TRIM5: variants seen among roughly 807,000 people sequenced by gnomAD.
TRIM5 encodes tripartite motif containing 5.
A neutral mutation model predicts 35.6 loss-of-function variants in TRIM5; 31 were observed. The ratio of observed to expected loss-of-function variants is 0.87; its 90% CI spans 0.65 to 1.18. TRIM5 has a LOEUF of 1.18. Ranked by LOEUF, TRIM5 falls within the 50% of genes most tolerant of loss-of-function variation. The pLI is 0.00. For synonymous variants in TRIM5, 243 were observed against 215.6 expected, an observed-to-expected ratio of 1.13 and a Z score of -1.11; for missense variants, 609 against 591.6, an observed-to-expected ratio of 1.03 and a Z score of -0.31.
At position 5,664,896 on chromosome 11, in the gene TRIM5, A is replaced by T. The variant is rs369378333; in HGVS notation, c.1395T>A (p.Ser465=). 2 of 1,613,990 alleles carry T rather than the reference A, an allele frequency of 1.2e-6. No homozygotes were observed. The highest frequency in any genetic ancestry group is 2.7e-5 in the African/African-American group (2 of 74,920). The part of the protein sequence containing the change: ...TNHGFLIYKF[S]HCSFSQPVFP... Reference sequence around the variant, plus strand: ...ATACAGGCTGAGAAAAAGAACAGTGAGAAAACTTATAGATGAGAAATCCAT... The same window carrying T: ...ATACAGGCTGAGAAAAAGAACAGTGTGAAAACTTATAGATGAGAAATCCAT... The change falls in exon 8 of 8, where the codon TCT becomes TCA. Residue 465 remains serine, a synonymous_variant. Coordinates refer to ENST00000380034, the MANE Select transcript of TRIM5 (RefSeq NM_033034.3).
chr11:5,611,411 G>T, the TRIM5 span: 46 of 1,254,208 alleles, frequency 3.7e-5, no homozygotes, highest in Non-Finnish European at 3.4e-5. Context: ...TCTCCCTTCT[G>T]ATCTTCTGTT....
the TRIM5 span, among the ~76,000 whole-genome samples, chr11:5,657,073 A>G: frequency 1.3e-5 from 2 of 152,222 alleles, no homozygotes; most frequent in Non-Finnish European, 2.9e-5. Context: ...AATGCCTATC[A>G]ATGATAGACT....
the TRIM5 span, among the ~76,000 whole-genome samples, chr11:5,636,747 C>T: frequency 6.6e-6 from 1 of 152,204 alleles, no homozygotes; most frequent in Non-Finnish European, 1.5e-5. Flanking sequence ...GTGGGATTAA[C>T]ATTTCACTTC....
chr11:5,674,366 T>C (rs1851781894), intron 4 of TRIM5, among the ~76,000 whole-genome samples: 1 of 152,084 alleles, frequency 6.6e-6, no homozygotes, highest in Non-Finnish European at 1.5e-5. Flanking sequence ...AGCATCTGGG[T>C]ATAACACAGA....
At chr11:5,603,731 A>G in the TRIM5 span, 26 of 1,613,130 alleles carry the variant, frequency 1.6e-5, no homozygotes, top group Non-Finnish European at 2.2e-5. Flanking sequence ...GCCCAGGAGT[A>G]CCAGGTGAGA....
chr11:5,627,240 C>T, the TRIM5 span, among the ~76,000 whole-genome samples: 3 of 151,008 alleles, frequency 2.0e-5, no homozygotes, highest in South Asian at 2.1e-4. Context: ...ATTAGCTGGG[C>T]GTTGTGGCAG....
chr11:5,665,678 C>A lies in TRIM5; in HGVS notation c.873G>T (p.Leu291=). The A allele has an allele frequency of 6.6e-7, 1 of 1,521,168 alleles. No individual in the cohort carries two copies. Among genetic ancestry groups the A allele is most frequent in the Non-Finnish European group, 8.7e-7 (1 of 1,143,668 alleles). 94.2% of individuals were successfully genotyped at this position (1,521,168 alleles called of 1,614,324 possible). ...TACCCCAGTAGCGTCGGACATCTGT[C>A]AGCTCTGAAATGATAAAAATGCACA... ...LKGMLEVFRE[L]TDVRRYWVDV... Residue 291 remains leucine, a synonymous_variant, in exon 7 of 8, where the codon CTG becomes CTT. Transcript: ENST00000380034.
the TRIM5 span, chr11:5,632,321 G>C: frequency 6.2e-7 from 1 of 1,614,118 alleles, no homozygotes; most frequent in Non-Finnish European, 8.5e-7. Flanking sequence ...AGAAGCCAGG[G>C]AAGCAGTGCA....
the TRIM5 span, chr11:5,644,176 C>CAG: frequency 2.5e-6 from 1 of 399,496 alleles, no homozygotes; most frequent in Non-Finnish European, 4.4e-6. Context: ...TATGTGTATT[C>CAG]AGAGTGAAGA....
chr11:5,662,991 G>A (rs771523044), downstream of TRIM5, among the ~76,000 whole-genome samples: 13 of 152,096 alleles, frequency 8.5e-5, no homozygotes, highest in Non-Finnish European at 1.3e-4. Flanking sequence ...TAACCAGGGC[G>A]TGGTGGTGCG....
the TRIM5 span, chr11:5,604,405 C>T: frequency 1.0e-6 from 1 of 1,003,164 alleles, no homozygotes; most frequent in Non-Finnish European, 1.4e-6. Context: ...TTGGCCCTCT[C>T]AAGTTTTCAT....
chr11:5,666,753 G>A (rs1161935834), intron 5 of TRIM5, among the ~76,000 whole-genome samples: 1 of 152,250 alleles, frequency 6.6e-6, no homozygotes, highest in African/African-American at 2.4e-5. Flanking sequence ...TGTGCGAGGT[G>A]TGCGATTTTA....
chr11:5,680,673 C>T lies in TRIM5; in HGVS notation c.-61-435G>A, dbSNP rs181406478. ...ATGAAATGTTTCTCTGATGTTAGTA[C>T]GATTTTATTAAATTCTCTCCTTACA... is the stretch of plus-strand genomic sequence containing the variant. On this transcript the variant is annotated intron_variant, in intron 1 of 7. Coordinates refer to ENST00000380034, the MANE Select transcript of TRIM5 (RefSeq NM_033034.3). Among the ~76,000 whole-genome samples the T allele has an allele frequency of 2.6e-3, 396 of 152,244 alleles. 2 individuals are homozygous for T. The highest frequency in any genetic ancestry group is 2.7e-3 in the Non-Finnish European group (184 of 68,010).
chr11:5,645,101 C>T, the TRIM5 span, among the ~76,000 whole-genome samples: 3 of 152,164 alleles, frequency 2.0e-5, no homozygotes, highest in Admixed American at 1.3e-4. Flanking sequence ...GGTGCCTTGG[C>T]TCATGCCGGT....
At chr11:5,670,104 C>G (rs36016268) in intron 4 of TRIM5, among the ~76,000 whole-genome samples, 1 of 150,314 alleles carries the variant, frequency 6.7e-6, no homozygotes, top group African/African-American at 2.5e-5. Context: ...AGGAGAACTT[C>G]TAAGTTTTAA....
At chr11:5,619,861 C>G in the TRIM5 span, 1 of 138,964 alleles carries the variant, frequency 7.2e-6, no homozygotes, top group Admixed American at 7.1e-5. Context: ...CACCACCATG[C>G]CCGGCTAATT....
At chr11:5,615,582 T>TG in the TRIM5 span, among the ~76,000 whole-genome samples, 5 of 113,208 alleles carry the variant, frequency 4.4e-5, no homozygotes, top group Non-Finnish European at 9.7e-5. Context: ...TTTTTGTTTT[T>TG]TTTTTGTTGT....
the TRIM5 span, chr11:5,604,594 A>T: frequency 6.2e-7 from 1 of 1,613,228 alleles, no homozygotes; most frequent in African/African-American, 1.3e-5. Context: ...TGAGAAGCTA[A>T]CAGCTTTTAT....
the TRIM5 span, among the ~76,000 whole-genome samples, chr11:5,606,363 C>T: frequency 2.0e-5 from 3 of 152,142 alleles, 1 homozygote; most frequent in Non-Finnish European, 4.4e-5. Flanking sequence ...GAAATTCTAG[C>T]AGCTATTTTC....
Sources: gnomAD v4.1 joint callset for allele counts (sites outside exome capture counted in the v4.1 genomes callset) on GRCh38, gnomAD v4.1.1 for gene constraint, MANE v1.5 for transcripts, NCBI Gene and HGNC (gene_info 2026-07-23, HGNC 2026-07-21) for gene names.